TNXB: variants seen among roughly 807,000 people sequenced by gnomAD.
TNXB encodes the protein tenascin XB, also known as tenascin-X.
Under a neutral mutation model 340.5 loss-of-function variants are expected in TNXB, and 183 were observed. That is an observed-to-expected ratio of 0.54 (90% confidence interval 0.48 to 0.61). The LOEUF (loss-of-function observed/expected upper bound fraction) is 0.61. TNXB is among the 20% of genes least tolerant of loss of function. The pLI is 0.00. For synonymous variants in TNXB, 2,121 were observed against 2,314.5 expected, an observed-to-expected ratio of 0.92 and a Z score of 2.40; for missense variants, 4,613 against 5,446.4, an observed-to-expected ratio of 0.85 and a Z score of 4.82.
rs2127249506 is a variant in TNXB at position 32,079,304 on chromosome 6, C to T, written c.4104G>A (p.Glu1368=). The change falls in exon 11 of 44, where the codon GAG becomes GAA. Residue 1368 remains glutamate, a synonymous_variant. Transcript: ENST00000644971. The surrounding 1 kb of genome is among the most constrained non-coding windows in gnomAD (Gnocchi z 7.1). ...SPTELGTEAP[E]SPEEPLLGEL... is the part of the protein sequence containing the mutation. ...CCCCCAGGAGCGGCTCCTCGGGGGA[C>T]TCCGGGGCCTCCGTGCCCAGTTCTG... 6.2e-7 allele frequency: 1 copy of T among 1,612,778 alleles called. No individual in the cohort carries two copies. Among genetic ancestry groups the T allele is most frequent in the African/African-American group, 1.3e-5 (1 of 75,050 alleles).
chr6:32,046,416 C>T lies in TNXB; in HGVS notation c.10365G>A (p.Leu3455=). The T allele has an allele frequency of 6.3e-7, 1 of 1,578,746 alleles. No homozygotes were observed. The highest frequency in any genetic ancestry group is 8.7e-7 in the Non-Finnish European group (1 of 1,155,644). ...EKELPPHLGE[L]TVAEETSSSL... is the part of the protein sequence containing the mutation. ...AGCTGGAGGTCTCCTCAGCCACGGT[C>T]AGTTCCCCCAGGTGGGGAGGTAGCT... Residue 3455 remains leucine, a synonymous_variant, in exon 31 of 44, where the codon CTG becomes CTA. Transcript: ENST00000644971. This position sits in a 1 kb window ranked among gnomAD's most constrained non-coding sequence, Gnocchi z 6.9.
chr6:32,076,477 C>T (rs1048732597), intron 11 of TNXB, among the ~76,000 whole-genome samples: 1 of 152,146 alleles, frequency 6.6e-6, no homozygotes, highest in Non-Finnish European at 1.5e-5. Context: ...TTATCCAGGA[C>T]GTGTAAAATA....
chr6:32,074,608 C>A lies in TNXB; in HGVS notation c.4376-656G>T, dbSNP rs534101114. On this transcript the variant is annotated intron_variant, in intron 11 of 43. Transcript: ENST00000644971. The surrounding 1 kb of genome is among the most constrained non-coding windows in gnomAD (Gnocchi z 5.5). ...TGGAGGCCTACTTGTGTGTCAAACT[C>A]AACAAGTCCAAAACTGAGCCTCTGA... Among the ~76,000 whole-genome samples the A allele has an allele frequency of 2.6e-5, 4 of 152,274 alleles. No homozygotes were observed. Among genetic ancestry groups the A allele is most frequent in the Non-Finnish European group, 4.4e-5 (3 of 68,016 alleles).
rs772092692 is a variant in TNXB, at chr6:32,070,248, C to T, written c.5157G>A (p.Val1719=). ...CAGTGACAGAGCGCTCATGGCCCTC[C>T]ACGGGCACCACCTGGGGCCCGTCTT... The part of the protein sequence containing the change: ...KDKDGPQVVP[V]EGHERSVTVT... Residue 1719 remains valine (V), a synonymous_variant, in exon 14 of 44, where the codon GTG becomes GTA. Transcript: ENST00000644971. The surrounding 1 kb of genome is among the most constrained non-coding windows in gnomAD (Gnocchi z 6.0). The T allele has an allele frequency of 1.2e-6, 2 of 1,612,704 alleles. No homozygotes were observed. The highest frequency in any genetic ancestry group is 2.7e-5 in the African/African-American group (2 of 74,884).
rs117194108 is a variant in TNXB, at chr6:32,063,479, G to A, written c.6842-996C>T. Among the ~76,000 whole-genome samples the A allele has an allele frequency of 4.7e-3, 711 of 152,144 alleles. 4 individuals carry two copies. The highest frequency in any genetic ancestry group is 0.02 in the Middle Eastern group (6 of 294). On this transcript the variant is annotated intron_variant, in intron 19 of 43. Coordinates refer to ENST00000644971, the MANE Select transcript of TNXB (RefSeq NM_001365276.2). Reference sequence around the variant, plus strand: ...GTTGTATCAGGAGGTTCATCCACCTGGGCTTGGAAATTCCACCTAATCCTG... The same window carrying A: ...GTTGTATCAGGAGGTTCATCCACCTAGGCTTGGAAATTCCACCTAATCCTG...
chr6:32,056,898 C>A lies in TNXB; in HGVS notation c.7831G>T (p.Glu2611Ter), dbSNP rs1301945126. Residue 2611 changes from glutamate (E) to a stop codon, truncating the protein, a stop_gained, in exon 23 of 44, where the codon GAA becomes TAA. Coordinates refer to ENST00000644971, the MANE Select transcript of TNXB (RefSeq NM_001365276.2). LOFTEE classifies it high-confidence loss of function. ...PVSAVGVTED[E>*]AETTQAVPTM... ...GGCACTGCTTGGGTGGTCTCGGCTT[C>A]ATCCTCTGGAGTTGGACAGACACGT... The A allele has an allele frequency of 6.2e-7, 1 of 1,610,976 alleles. No homozygotes were observed. Among genetic ancestry groups the A allele is most frequent in the East Asian group, 2.2e-5 (1 of 44,824 alleles).
At position 32,043,290 on chromosome 6, in the gene TNXB, G is replaced by A. The variant is rs1282443149; in HGVS notation, c.11679C>T (p.Gly3893=). ...CATGCAGGGGGTAGTCCACCGCGCT[G>A]CCTGGGGTCTCCGCCTGCAGAGGCG... is the stretch of plus-strand genomic sequence containing the variant. ...GAPPLQAETP[G]SAVDYPLHDL... The change falls in exon 37 of 44, where the codon GGC becomes GGT. Residue 3893 remains glycine (G), a synonymous_variant. Coordinates refer to ENST00000644971, the MANE Select transcript of TNXB (RefSeq NM_001365276.2). 9.0e-6 allele frequency: 3 copies of A among 334,804 alleles called. No individual in the cohort carries two copies. The highest frequency in any genetic ancestry group is 1.3e-4 in the Admixed American group (2 of 15,514). The allele number at this position is 334,804 out of a possible 1,614,324, so 20.7% of individuals were successfully genotyped here.
Position 32,084,314 on chromosome 6 carries a change from C to A in TNXB, c.3445+99G>T. On this transcript the variant is annotated intron_variant, in intron 8 of 43. Transcript: ENST00000644971. This position sits in a 1 kb window ranked among gnomAD's most constrained non-coding sequence, Gnocchi z 5.5. ...GAATTCAGCTCATGCACCACTGCCT[C>A]CAGGAAGCCTTCCCGGAGCTCCCAA... is the stretch of plus-strand genomic sequence containing the variant. 9.6e-7 allele frequency: 1 copy of A among 1,039,864 alleles called. No homozygotes were observed. The highest frequency in any genetic ancestry group is 2.6e-5 in the East Asian group (1 of 38,902). 64.4% of individuals were successfully genotyped at this position (1,039,864 alleles called of 1,614,324 possible).
rs1175921400 is a variant in TNXB, at chr6:32,047,005, G to A, written c.10325-549C>T. Among the ~76,000 whole-genome samples the A allele has an allele frequency of 2.0e-5, 3 of 152,234 alleles. No homozygotes were observed. The highest frequency in any genetic ancestry group is 2.9e-5 in the Non-Finnish European group (2 of 68,038). ...AGCCCCACACTGACCCCACTGGGCC[G>A]GGGCAGCCAGGGTGGGGCAGGGAGA... On this transcript the variant is annotated intron_variant, in intron 30 of 43. Coordinates refer to ENST00000644971, the MANE Select transcript of TNXB (RefSeq NM_001365276.2). This position sits in a 1 kb window ranked among gnomAD's most constrained non-coding sequence, Gnocchi z 6.2.
Position 32,057,281 on chromosome 6 carries a change from C to A in TNXB, c.7826-378G>T, listed in dbSNP as rs141626568. ...CGCAACAAGCTCAGCACACTCCTCC[C>A]GAGGCCAGAGCCTGGGGTGTGTTCC... On this transcript the variant is annotated intron_variant, in intron 22 of 43. Coordinates refer to ENST00000644971, the MANE Select transcript of TNXB (RefSeq NM_001365276.2). Among the ~76,000 whole-genome samples the A allele has an allele frequency of 1.4e-3, 219 of 152,316 alleles. 4 individuals carry two copies. In the East Asian group the frequency reaches 0.042, roughly 29 times the overall value.
chr6:32,046,129 A>T lies in TNXB; in HGVS notation c.10606+46T>A. ...TTGTCTTCAGCCCAAATGCACAAGGAAACCCACACAAGCTGGCTTGCTATA... is the reference window on the plus strand; with the variant it reads ...TTGTCTTCAGCCCAAATGCACAAGGTAACCCACACAAGCTGGCTTGCTATA... On this transcript the variant is annotated intron_variant, in intron 31 of 43. Transcript: ENST00000644971. This position sits in a 1 kb window ranked among gnomAD's most constrained non-coding sequence, Gnocchi z 6.9. 1 of 1,554,252 alleles carries T rather than the reference A, an allele frequency of 6.4e-7. No homozygotes were observed.
At position 32,067,755 on chromosome 6, in the gene TNXB, C is replaced by T. The variant is rs1439828406; in HGVS notation, c.6450G>A (p.Val2150=). 6.2e-7 allele frequency: 1 copy of T among 1,613,710 alleles called. No homozygotes were observed. Among genetic ancestry groups the T allele is most frequent in the East Asian group, 2.2e-5 (1 of 44,876 alleles). ...RVGGEESEVT[V]GGLEPGRKYK... ...ACTTGCGCCCAGGCTCCAGGCCCCC[C>T]ACGGTGACTTCACTCTCCTCGCCCC... The change falls in exon 18 of 44, where the codon GTG becomes GTA. Residue 2150 remains valine, a synonymous_variant. Transcript: ENST00000644971. The surrounding 1 kb of genome is among the most constrained non-coding windows in gnomAD (Gnocchi z 4.2).
At position 32,073,671 on chromosome 6, in the gene TNXB, G is replaced by A. The variant is rs1483974773; in HGVS notation, c.4657C>T (p.Pro1553Ser). The A allele has an allele frequency of 6.2e-7, 1 of 1,609,054 alleles. No individual in the cohort carries two copies. The highest frequency in any genetic ancestry group is 1.7e-4 in the Middle Eastern group (1 of 6,058). ...YGLHDGQRMG[P>S]LSVVIVTAPL... Reference sequence around the variant, plus strand: ...CCCGTCACGATGACCACAGACAGGGGGCCCATGCGTTGCCCATCATGTAGT... The same window carrying A: ...CCCGTCACGATGACCACAGACAGGGAGCCCATGCGTTGCCCATCATGTAGT... Residue 1553 changes from proline to serine, a missense_variant, in exon 12 of 44, where the codon CCC (proline) becomes TCC (serine). This residue lies in a region of TNXB where 4,327 missense variants were observed against 4,859.4 expected (regional missense o/e 0.89). Transcript: ENST00000644971. The surrounding 1 kb of genome is among the most constrained non-coding windows in gnomAD (Gnocchi z 4.6).
chr6:32,067,132 G>GAAGGAAGGAAGAAAGAAAGA lies in TNXB; in HGVS notation c.6544+528_6544+529insTCTTTCTTTCTTCCTTCCTT, dbSNP rs878879249. 4.2e-5 allele frequency among the ~76,000 whole-genome samples: 5 copies of GAAGGAAGGAAGAAAGAAAGA among 117,996 alleles called. No individual in the cohort carries two copies. Among genetic ancestry groups the GAAGGAAGGAAGAAAGAAAGA allele is most frequent in the South Asian group, 2.9e-4 (1 of 3,428 alleles). 77.4% of individuals were successfully genotyped at this position (117,996 alleles called of 152,430 possible). ...AAGAAAGAGAAAGAAAGAAAGGAAG[G>GAAGGAAGGAAGAAAGAAAGA]AAGAAAGAAAGAAAGAAAGAAAGAA... On this transcript the variant is annotated intron_variant, in intron 18 of 43. Coordinates refer to ENST00000644971, the MANE Select transcript of TNXB (RefSeq NM_001365276.2). The surrounding 1 kb of genome is among the most constrained non-coding windows in gnomAD (Gnocchi z 4.2).
Position 32,056,857 on chromosome 6 carries a change from C to A in TNXB, c.7872G>T (p.Glu2624Asp). The change falls in exon 23 of 44, where the codon GAG (glutamate) becomes GAT (aspartate). Residue 2624 changes from glutamate to aspartate, a missense_variant. Glu to Asp is a conservative substitution (Grantham distance 45). Transcript: ENST00000644971. Reference sequence around the variant, plus strand: ...CCCCCAGGCGAGGCTTGATGGGGGGCTCAGGGGTCATGGTAGGCACTGCTT... The same window carrying A: ...CCCCCAGGCGAGGCTTGATGGGGGGATCAGGGGTCATGGTAGGCACTGCTT... ...TTQAVPTMTP[E>D]PPIKPRLGEL... The A allele has an allele frequency of 6.2e-7, 1 of 1,612,848 alleles. No individual in the cohort carries two copies. The highest frequency in any genetic ancestry group is 8.5e-7 in the Non-Finnish European group (1 of 1,179,772).
rs1399008545 is a variant in TNXB, at chr6:32,089,679, G to A, written c.2359-300C>T. 6.6e-6 allele frequency among the ~76,000 whole-genome samples: 1 copy of A among 152,144 alleles called. No individual in the cohort carries two copies. Among genetic ancestry groups the A allele is most frequent in the African/African-American group, 2.4e-5 (1 of 41,422 alleles). On this transcript the variant is annotated intron_variant, in intron 4 of 43. Coordinates refer to ENST00000644971, the MANE Select transcript of TNXB (RefSeq NM_001365276.2). This position sits in a 1 kb window ranked among gnomAD's most constrained non-coding sequence, Gnocchi z 6.2. ...ACAGAAGGACAAGTATCTTGCCAAC[G>A]TCACCAACACCAAGAAAATGGCAAG...
chr6:32,061,662 A>G lies in TNXB; in HGVS notation c.7227T>C (p.Pro2409=). The G allele has an allele frequency of 6.2e-7, 1 of 1,612,598 alleles. No individual in the cohort carries two copies. The highest frequency in any genetic ancestry group is 1.3e-5 in the African/African-American group (1 of 74,954). Residue 2409 remains proline (P), a synonymous_variant, in exon 21 of 44, where the codon CCT becomes CCC. Coordinates refer to ENST00000644971, the MANE Select transcript of TNXB (RefSeq NM_001365276.2). The surrounding 1 kb of genome is among the most constrained non-coding windows in gnomAD (Gnocchi z 4.4). ...TTAGCTCCCCCAGGAGCGGCTCCTC[A>G]GGGGGCTCCGGGGCCTCCATGCTGG... The part of the protein sequence containing the change: ...TEPSMEAPEP[P]EEPLLGELTV...
At position 32,097,785 on chromosome 6, in the gene TNXB, C is replaced by A. The variant is rs2127293978; in HGVS notation, c.403+11G>T. On this transcript the variant is annotated intron_variant, in intron 2 of 43. Coordinates refer to ENST00000644971, the MANE Select transcript of TNXB (RefSeq NM_001365276.2). The surrounding 1 kb of genome is among the most constrained non-coding windows in gnomAD (Gnocchi z 5.9). ...CCACCTCTCCACCCTCTTCTGTGAT[C>A]ACCTGCTCACCTGTGCCAGCTTGGG... 2 of 1,498,698 alleles carry A rather than the reference C, an allele frequency of 1.3e-6. No homozygotes were observed. Among genetic ancestry groups the A allele is most frequent in the East Asian group, 2.3e-5 (1 of 43,720 alleles). The allele number at this position is 1,498,698 out of a possible 1,614,324, so 92.8% of individuals were successfully genotyped here.
Position 32,096,807 on chromosome 6 carries a change from C to A in TNXB, c.1046G>T (p.Gly349Val). The change falls in exon 3 of 44, where the codon GGC becomes GTC. Residue 349 changes from glycine (G) to valine (V), a missense_variant. This residue lies in a region of TNXB where 4,327 missense variants were observed against 4,859.4 expected (regional missense o/e 0.89). Transcript: ENST00000644971. Reference protein sequence around the residue: ...TRSCPWDCGEGGRCVDGRCVC... With the variant: ...TRSCPWDCGEVGRCVDGRCVC... ...GCAGCGGCCGTCCACGCAGCGCCCG[C>A]CCTCGCCACAGTCCCAGGGGCAGCT... 1 of 1,591,740 alleles carries A rather than the reference C, an allele frequency of 6.3e-7. No homozygotes were observed.
Sources: gnomAD v4.1 joint callset for allele counts (sites outside exome capture counted in the v4.1 genomes callset) on GRCh38, gnomAD v4.1.1 for gene constraint, gnomAD v4.1.1 regional missense constraint, Gnocchi (gnomAD v3.1) non-coding constraint, MANE v1.5 for transcripts, NCBI Gene and HGNC (gene_info 2026-07-23, HGNC 2026-07-21) for gene names.